WAC: variants seen among roughly 807,000 people sequenced by gnomAD.
WAC encodes WW domain containing adaptor with coiled-coil, also known as WW domain-containing adapter protein with coiled-coil.
WAC carries 11 observed loss-of-function variants against 79.6 expected under a neutral mutation model. The ratio of observed to expected loss-of-function variants is 0.14; its 90% CI spans 0.09 to 0.23. WAC has a LOEUF of 0.23. Ranked by LOEUF, WAC falls within the 10% of genes least tolerant of loss-of-function variation. WAC has a pLI of 1.00. For missense variants in WAC, 728 were observed against 773.5 expected (o/e 0.94, Z 0.70); for synonymous variants, 304 against 276.9 (o/e 1.10, Z -0.97).
At chr10:28,578,774 C>T (rs549515773) in intron 3 of WAC, among the ~76,000 whole-genome samples, 1 of 152,168 alleles carries the variant, frequency 6.6e-6, no homozygotes, top group East Asian at 1.9e-4. Context: ...TCTGAAGTTT[C>T]AGAAGATGCC....
chr10:28,574,230 C>A (rs576396900), intron 3 of WAC, among the ~76,000 whole-genome samples: 1 of 152,062 alleles, frequency 6.6e-6, no homozygotes, highest in Non-Finnish European at 1.5e-5. Flanking sequence ...TCACTACAAC[C>A]TCCGCCTCCC....
chr10:28,569,249 T>C (rs1427336737), intron 3 of WAC, among the ~76,000 whole-genome samples: 2 of 152,198 alleles, frequency 1.3e-5, no homozygotes, highest in African/African-American at 4.8e-5. Context: ...TTAAAAATAA[T>C]GGTAAAAATA....
intron 3 of WAC, among the ~76,000 whole-genome samples, chr10:28,552,236 C>T (rs1259976573): frequency 6.6e-6 from 1 of 152,178 alleles, no homozygotes; most frequent in Non-Finnish European, 1.5e-5. Context: ...GAAAAGCCAT[C>T]TTCTGACTTT....
intron 8 of WAC, chr10:28,608,663 A>G (rs939237311): frequency 5.8e-5 from 29 of 496,842 alleles, no homozygotes; most frequent in Non-Finnish European, 7.8e-5. Context: ...ATATTTTTCA[A>G]TACTTGTTAT....
chr10:28,606,860 C>G (rs1038876403), intron 7 of WAC, among the ~76,000 whole-genome samples: 2 of 152,158 alleles, frequency 1.3e-5, no homozygotes, highest in African/African-American at 4.8e-5. Context: ...TGCCAAATTA[C>G]TTTCCAGTGT....
chr10:28,546,926 T>G (rs1837379084), intron 3 of WAC, among the ~76,000 whole-genome samples: 1 of 152,116 alleles, frequency 6.6e-6, no homozygotes, highest in Non-Finnish European at 1.5e-5. Context: ...TGAATCAGTT[T>G]TGTAAATCAC....
chr10:28,580,019 C>G (rs1440969246), intron 3 of WAC, among the ~76,000 whole-genome samples: 1 of 152,092 alleles, frequency 6.6e-6, no homozygotes, highest in Admixed American at 6.5e-5. Flanking sequence ...TATCTTACTC[C>G]TCACCCATTT....
intron 3 of WAC, among the ~76,000 whole-genome samples, chr10:28,578,114 G>A (rs1287938079): frequency 1.3e-5 from 2 of 152,076 alleles, no homozygotes; most frequent in African/African-American, 4.8e-5. Flanking sequence ...AGTCAAGATC[G>A]TGCCACTGCA....
chr10:28,596,191 G>T, intron 7 of WAC, 150 bp downstream of exon 7: 1 of 821,892 alleles, frequency 1.2e-6, no homozygotes, highest in Non-Finnish European at 1.8e-6. Flanking sequence ...TAGGTGTAGA[G>T]TTAGCAATAT....
intron 3 of WAC, among the ~76,000 whole-genome samples, chr10:28,541,428 T>TTG (rs1837035911): frequency 3.6e-5 from 5 of 139,678 alleles, no homozygotes; most frequent in Admixed American, 2.2e-4. Context: ...TTGTTTTTTT[T>TTG]TTTTTTTTTT....
At chr10:28,614,062 A>G (rs1278302947) in intron 10 of WAC, among the ~76,000 whole-genome samples, 1 of 152,168 alleles carries the variant, frequency 6.6e-6, no homozygotes, top group Non-Finnish European at 1.5e-5. Flanking sequence ...ATCAGAAGAG[A>G]TAATAATGTA....
intron 3 of WAC, among the ~76,000 whole-genome samples, chr10:28,568,360 A>C (rs768491342): frequency 8.5e-5 from 13 of 152,108 alleles, no homozygotes; most frequent in Admixed American, 1.3e-4. Flanking sequence ...GATTATTTCA[A>C]TATTAGATAC....
chr10:28,539,056 A>G (rs1836855825), intron 3 of WAC, among the ~76,000 whole-genome samples: 1 of 152,050 alleles, frequency 6.6e-6, no homozygotes, highest in Non-Finnish European at 1.5e-5. Flanking sequence ...AGATTTAATG[A>G]TTTTCTTTAC....
chr10:28,610,160 T>G (rs1841163692), intron 8 of WAC, among the ~76,000 whole-genome samples: 1 of 152,022 alleles, frequency 6.6e-6, no homozygotes, highest in African/African-American at 2.4e-5. Context: ...CTTGAACTCC[T>G]AACCTTAGGC....
chr10:28,579,173 AAT>A (rs2132601881), intron 3 of WAC, among the ~76,000 whole-genome samples: 1 of 150,162 alleles, frequency 6.7e-6, no homozygotes, highest in African/African-American at 2.5e-5. Flanking sequence ...TGGGTAGATG[AAT>A]TTTTTTTTTT....
intron 3 of WAC, among the ~76,000 whole-genome samples, chr10:28,557,740 G>T (rs184724704): frequency 6.6e-6 from 1 of 152,146 alleles, no homozygotes; most frequent in East Asian, 1.9e-4. Context: ...CCTGGAATGT[G>T]GAAAAAATGT....
intron 3 of WAC, among the ~76,000 whole-genome samples, chr10:28,543,857 G>A (rs1477518614): frequency 6.8e-6 from 1 of 147,688 alleles, no homozygotes; most frequent in East Asian, 1.9e-4. Context: ...TTCCAGAATT[G>A]GTTTCCTTTG....
At position 28,589,741 on chromosome 10, in the gene WAC, T is replaced by C. The variant is rs967599044; in HGVS notation, c.387T>C (p.Tyr129=). ...GTAAAAAATATATTTTTAAGCCTTA[T>C]GATTCTGCAGATGACTGGTCTGAGC... ...NNPSKTSDAP[Y]DSADDWSEHI... is the part of the protein sequence containing the mutation. Residue 129 remains tyrosine (Y), a synonymous_variant, in exon 5 of 14, where the codon TAT becomes TAC. Transcript: ENST00000354911. The C allele has an allele frequency of 1.0e-5, 16 of 1,595,260 alleles. No homozygotes were observed. The highest frequency in any genetic ancestry group is 1.3e-5 in the African/African-American group (1 of 74,186).
At chr10:28,567,184 TC>T (rs1375554301) in intron 3 of WAC, among the ~76,000 whole-genome samples, 2 of 151,734 alleles carry the variant, frequency 1.3e-5, no homozygotes, top group African/African-American at 4.8e-5. Context: ...AAATTCCAGC[TC>T]TTTTTTTTTT....
Sources: allele counts gnomAD v4.1 joint callset (sites outside exome capture counted in the v4.1 genomes callset), GRCh38; gene constraint gnomAD v4.1.1; transcripts MANE v1.5; gene names NCBI Gene and HGNC (gene_info 2026-07-23, HGNC 2026-07-21).